SLC4A4: variants seen among roughly 807,000 people sequenced by gnomAD.
SLC4A4 encodes electrogenic sodium bicarbonate cotransporter 1.
Under a neutral mutation model 111.5 loss-of-function variants are expected in SLC4A4, and 27 were observed. The ratio of observed to expected loss-of-function variants is 0.24; its 90% CI spans 0.18 to 0.33. SLC4A4 has a LOEUF of 0.33. SLC4A4 is among the 10% of genes least tolerant of loss of function. The pLI, the probability that SLC4A4 is intolerant of heterozygous loss-of-function variation, is 1.00. For synonymous variants in SLC4A4, 443 were observed against 463.4 expected (o/e 0.96, Z 0.57); for missense variants, 909 against 1,315.5 (o/e 0.69, Z 4.78).
chr4:71,417,506 C>T (rs1239866551), intron 7 of SLC4A4, among the ~76,000 whole-genome samples: 1 of 152,048 alleles, frequency 6.6e-6, no homozygotes, highest in Non-Finnish European at 1.5e-5. Context: ...GTTCATGGCA[C>T]AACAGTGAAA....
At chr4:71,497,817 A>G (rs1730552662) in intron 16 of SLC4A4, 125 bp downstream of exon 16, 3 of 791,620 alleles carry the variant, frequency 3.8e-6, no homozygotes, top group Non-Finnish European at 4.2e-6. Flanking sequence ...CGTTTTAAAC[A>G]TTACACTTCA....
At chr4:71,084,142 G>A (rs943579382) in intron 1 of SLC4A4, among the ~76,000 whole-genome samples, 4 of 151,890 alleles carry the variant, frequency 2.6e-5, no homozygotes, top group African/African-American at 9.7e-5. Context: ...AGGCAAGATG[G>A]ACTTTTTGAT....
intron 15 of SLC4A4, among the ~76,000 whole-genome samples, chr4:71,496,890 G>A (rs1327957681): frequency 6.6e-6 from 1 of 152,038 alleles, no homozygotes; most frequent in South Asian, 2.1e-4. Flanking sequence ...TGCTGACCTA[G>A]AGTCAAGAAG....
At chr4:71,191,384 C>T (rs548646190) in intron 1 of SLC4A4, among the ~76,000 whole-genome samples, 93 of 152,268 alleles carry the variant, frequency 6.1e-4, no homozygotes, top group African/African-American at 2.2e-3. Flanking sequence ...GATTGTTATG[C>T]TTATTGAGAT....
At chr4:71,450,076 C>G (rs1725615529) in intron 9 of SLC4A4, among the ~76,000 whole-genome samples, 1 of 152,252 alleles carries the variant, frequency 6.6e-6, no homozygotes, top group African/African-American at 2.4e-5. Flanking sequence ...TTTAATCTGG[C>G]TCCCATAGCA....
chr4:71,365,400 G>A (rs1229176475), intron 6 of SLC4A4, among the ~76,000 whole-genome samples: 3 of 152,256 alleles, frequency 2.0e-5, no homozygotes, highest in South Asian at 2.1e-4. Flanking sequence ...GGGAGCAATC[G>A]AAGTGTAGGT....
In SLC4A4 at chr4:71,384,435, T is replaced by G. The variant is rs1033179469; in HGVS notation, c.731-13142T>G. 2.6e-5 allele frequency among the ~76,000 whole-genome samples: 4 copies of G among 152,276 alleles called. No homozygotes were observed. In the East Asian group the frequency reaches 7.7e-4, roughly 29 times the overall value. The stretch of plus-strand genomic sequence containing the variant: ...CTATAGTCATTGATTGCTAAGAGTG[T>G]ATCACTTAAATGAATGTGCAGTCAG... On this transcript the variant is annotated intron_variant, in intron 6 of 25. Coordinates refer to ENST00000264485, the MANE Select transcript of SLC4A4 (RefSeq NM_001098484.3).
intron 14 of SLC4A4, among the ~76,000 whole-genome samples, chr4:71,480,543 C>A (rs1440259822): frequency 1.3e-5 from 2 of 151,690 alleles, no homozygotes; most frequent in South Asian, 4.1e-4. Context: ...TAAAAGCATA[C>A]ATATTTAACT....
Position 71,536,122 on chromosome 4 carries a change from T to C in SLC4A4, c.2442+1734T>C, listed in dbSNP as rs184773606. 1.3e-5 allele frequency among the ~76,000 whole-genome samples: 2 copies of C among 152,110 alleles called. 1 individual carries two copies. Among genetic ancestry groups the C allele is most frequent in the African/African-American group, 4.8e-5 (2 of 41,514 alleles). Reference sequence around the variant, plus strand: ...GGTAATGTTGGGTTATTTGCACTTGTTACATGGCAGCTGACTTAAGAATTA... The same window carrying C: ...GGTAATGTTGGGTTATTTGCACTTGCTACATGGCAGCTGACTTAAGAATTA... On this transcript the variant is annotated intron_variant, in intron 18 of 25. Coordinates refer to ENST00000264485, the MANE Select transcript of SLC4A4 (RefSeq NM_001098484.3).
At chr4:71,105,821 A>G (rs1479203193) in intron 2 of SLC4A4, among the ~76,000 whole-genome samples, 2 of 77,018 alleles carry the variant, frequency 2.6e-5, no homozygotes, top group Non-Finnish European at 6.8e-5. Context: ...TAAAAACCCT[A>G]GAAGAAAACC....
intron 4 of SLC4A4, among the ~76,000 whole-genome samples, chr4:71,345,854 T>A (rs1400822720): frequency 6.6e-6 from 1 of 152,152 alleles, no homozygotes; most frequent in Non-Finnish European, 1.5e-5. Context: ...TCCATGTAGT[T>A]GTGTACAATA....
chr4:71,442,601 A>T (rs561306745), intron 8 of SLC4A4, among the ~76,000 whole-genome samples: 1 of 152,178 alleles, frequency 6.6e-6, no homozygotes, highest in African/African-American at 2.4e-5. Flanking sequence ...TGTGGTAGGC[A>T]TGGTGAAGGA....
At chr4:71,234,677 G>A (rs756069497) in intron 1 of SLC4A4, among the ~76,000 whole-genome samples, 5 of 152,142 alleles carry the variant, frequency 3.3e-5, no homozygotes, top group Non-Finnish European at 5.9e-5. Context: ...TGCCTGCCTT[G>A]GCCTGCCGAG....
intron 2 of SLC4A4, among the ~76,000 whole-genome samples, chr4:71,123,776 C>T (rs538209246): frequency 2.7e-4 from 41 of 152,114 alleles, no homozygotes; most frequent in African/African-American, 7.5e-4. Context: ...TATTTTTTTG[C>T]GCCAAATCAT....
At chr4:71,135,077 T>TTCAGCATGCCTCGAATC (rs1743806655) in intron 2 of SLC4A4, among the ~76,000 whole-genome samples, 1 of 152,148 alleles carries the variant, frequency 6.6e-6, no homozygotes, top group African/African-American at 2.4e-5. Context: ...AAAGCTGTTC[T>TTCAGCATGCCTCGAATC]TTAGCATAAG....
chr4:71,445,254 A>G (rs960481862), intron 8 of SLC4A4, among the ~76,000 whole-genome samples: 8 of 152,142 alleles, frequency 5.3e-5, no homozygotes, highest in Non-Finnish European at 7.4e-5. Flanking sequence ...CCATTACTCT[A>G]TCAGCTATTG....
chr4:71,398,569 A>C (rs1376581276), intron 7 of SLC4A4, among the ~76,000 whole-genome samples: 2 of 152,188 alleles, frequency 1.3e-5, no homozygotes, highest in East Asian at 3.8e-4. Context: ...ATGCTTCCTA[A>C]ATGAAAAAAT....
chr4:71,282,930 T>C (rs1279345659), intron 3 of SLC4A4, among the ~76,000 whole-genome samples: 3 of 152,174 alleles, frequency 2.0e-5, no homozygotes, highest in Non-Finnish European at 2.9e-5. Flanking sequence ...GAGTGGGACA[T>C]CTGTGACTGG....
At chr4:71,511,063 A>G (rs978020826) in intron 16 of SLC4A4, among the ~76,000 whole-genome samples, 5 of 152,228 alleles carry the variant, frequency 3.3e-5, no homozygotes, top group Admixed American at 3.3e-4. Flanking sequence ...TTTTAATGTT[A>G]TATATCCCTG....
Sources: allele counts gnomAD v4.1 joint callset (sites outside exome capture counted in the v4.1 genomes callset), GRCh38; gene constraint gnomAD v4.1.1; transcripts MANE v1.5; gene names NCBI Gene and HGNC (gene_info 2026-07-23, HGNC 2026-07-21).